The following ETV1 variants were observed in gnomAD, a reference collection of about 807,000 sequenced individuals.
The protein encoded by ETV1 is ETS variant transcription factor 1.
Under a neutral mutation model 62.3 loss-of-function variants are expected in ETV1, and 27 were observed. The ratio of observed to expected loss-of-function variants is 0.43; its 90% CI spans 0.32 to 0.60. The LOEUF is 0.60. Ranked by LOEUF, ETV1 falls within the 20% of genes least tolerant of loss-of-function variation. The pLI is 0.06. For synonymous variants in ETV1, 222 were observed against 199.6 expected (o/e 1.11, Z -0.94); for missense variants, 605 against 605.8 (o/e 1.00, Z 0.01).
At chr7:13,905,084 A>C (rs1353985959) in intron 12 of ETV1, among the ~76,000 whole-genome samples, 2 of 151,354 alleles carry the variant, frequency 1.3e-5, no homozygotes, top group Admixed American at 6.6e-5. Context: ...ACTGAAGGAG[A>C]CTTGACTGTT....
chr7:13,976,052 AG>A (rs1781421412), intron 6 of ETV1, among the ~76,000 whole-genome samples: 1 of 152,206 alleles, frequency 6.6e-6, no homozygotes, highest in Non-Finnish European at 1.5e-5. Context: ...TCCTTCTGGG[AG>A]TGTTTCTAAG....
At chr7:13,964,048 A>AG in intron 6 of ETV1, among the ~76,000 whole-genome samples, 1 of 152,228 alleles carries the variant, frequency 6.6e-6, no homozygotes, top group South Asian at 2.1e-4. Context: ...AATGACATCC[A>AG]GCTATTTGGC....
At chr7:13,963,717 A>G (rs1583819474) in intron 6 of ETV1, among the ~76,000 whole-genome samples, 1 of 152,156 alleles carries the variant, frequency 6.6e-6, no homozygotes, top group Non-Finnish European at 1.5e-5. Flanking sequence ...ACATAAATTC[A>G]TATGTCCATC....
intron 9 of ETV1, among the ~76,000 whole-genome samples, chr7:13,929,734 C>T (rs1220641651): frequency 6.6e-6 from 1 of 152,206 alleles, no homozygotes; most frequent in Admixed American, 6.5e-5. Context: ...CTCAAGGCCA[C>T]TTGGGCAGAG....
chr7:13,905,288 A>C (rs73274807), intron 12 of ETV1, among the ~76,000 whole-genome samples: 189 of 152,274 alleles, frequency 1.2e-3, no homozygotes, highest in African/African-American at 4.2e-3. Context: ...GTGGATGTTC[A>C]GTGTATATGA....
intron 9 of ETV1, among the ~76,000 whole-genome samples, chr7:13,917,824 C>T (rs1446074868): frequency 1.3e-5 from 2 of 151,694 alleles, no homozygotes; most frequent in East Asian, 2.0e-4. Context: ...ATTAGCCGGG[C>T]GTGGTGGCGG....
At chr7:13,928,398 C>G (rs968644119) in intron 9 of ETV1, among the ~76,000 whole-genome samples, 1 of 151,872 alleles carries the variant, frequency 6.6e-6, no homozygotes, top group Non-Finnish European at 1.5e-5. Flanking sequence ...AGGCAGATCA[C>G]GAGGTCAAGA....
chr7:13,970,152 C>T (rs1346009934), intron 6 of ETV1, among the ~76,000 whole-genome samples: 3 of 151,370 alleles, frequency 2.0e-5, no homozygotes, highest in Non-Finnish European at 4.4e-5. Flanking sequence ...TCCCAGCTAG[C>T]CGGGAGGCCG....
chr7:13,916,253 T>G (rs905630228), intron 9 of ETV1, among the ~76,000 whole-genome samples: 1 of 152,222 alleles, frequency 6.6e-6, no homozygotes, highest in Non-Finnish European at 1.5e-5. Flanking sequence ...GTACTGAATC[T>G]ACTATTGATT....
At chr7:13,925,567 A>ATT (rs143947960) in intron 9 of ETV1, among the ~76,000 whole-genome samples, 8 of 143,158 alleles carry the variant, frequency 5.6e-5, no homozygotes, top group East Asian at 2.1e-4. Flanking sequence ...ACATTAATTG[A>ATT]TTTTTTTTTT....
At chr7:13,908,757 C>T (rs143782059) in intron 11 of ETV1, among the ~76,000 whole-genome samples, 135 of 152,192 alleles carry the variant, frequency 8.9e-4, no homozygotes, top group African/African-American at 3.1e-3. Context: ...TGAGCATGTA[C>T]ATTGCTGTTT....
At chr7:13,943,672 G>T (rs2128464487) in intron 6 of ETV1, among the ~76,000 whole-genome samples, 1 of 152,202 alleles carries the variant, frequency 6.6e-6, no homozygotes, top group South Asian at 2.1e-4. Flanking sequence ...ACAATGGAAT[G>T]AATACAGGAA....
intron 11 of ETV1, 149 bp from the exon 12 acceptor site, chr7:13,906,748 T>C: frequency 1.7e-6 from 1 of 572,382 alleles, no homozygotes. Context: ...TAAAGAGGAA[T>C]TTAAAATAGT....
In ETV1 at chr7:13,892,485, G is replaced by C. The variant is rs1781448097; in HGVS notation, c.*3381C>G. 4.3e-6 allele frequency: 1 copy of C among 232,960 alleles called. No individual in the cohort carries two copies. Among genetic ancestry groups the C allele is most frequent in the Non-Finnish European group, 8.5e-6 (1 of 117,908 alleles). 14.4% of individuals were successfully genotyped at this position (232,960 alleles called of 1,614,324 possible). A position where few individuals can be genotyped will look rare whatever the true frequency, so the allele number is the denominator to read the frequency against. ...CCCTCAGCAGAACTCCACTGTTCCT[G>C]AGTAAATCAATTAGAGTCTTTGCTA... On this transcript the variant is annotated 3_prime_UTR_variant, in exon 14 of 14. Transcript: ENST00000430479.
intron 9 of ETV1, among the ~76,000 whole-genome samples, chr7:13,923,503 A>G (rs968858108): frequency 6.6e-6 from 1 of 152,250 alleles, no homozygotes; most frequent in Non-Finnish European, 1.5e-5. Context: ...CAGCTCTGAC[A>G]GATGAAAGTT....
chr7:13,958,172 T>A (rs574825326), intron 6 of ETV1, among the ~76,000 whole-genome samples: 1 of 152,350 alleles, frequency 6.6e-6, no homozygotes, highest in South Asian at 2.1e-4. Flanking sequence ...GAAGTGTGCC[T>A]ATATACTAAA....
chr7:13,983,669 G>A (rs1315023715), intron 5 of ETV1, among the ~76,000 whole-genome samples: 3 of 144,232 alleles, frequency 2.1e-5, no homozygotes, highest in Non-Finnish European at 4.5e-5. Flanking sequence ...TAACTTTGCA[G>A]TTTTCTTCAG....
At chr7:13,928,103 G>A (rs551625943) in intron 9 of ETV1, among the ~76,000 whole-genome samples, 2 of 152,244 alleles carry the variant, frequency 1.3e-5, no homozygotes, top group African/African-American at 2.4e-5. Context: ...GCTTTTGAGG[G>A]TCAAATAGTG....
At chr7:13,955,763 A>G (rs1355426442) in intron 6 of ETV1, among the ~76,000 whole-genome samples, 2 of 152,200 alleles carry the variant, frequency 1.3e-5, no homozygotes, top group African/African-American at 4.8e-5. Flanking sequence ...CAAGAAAACT[A>G]TTATTGGAAT....
Sources: gnomAD v4.1 joint callset for allele counts (sites outside exome capture counted in the v4.1 genomes callset) on GRCh38, gnomAD v4.1.1 for gene constraint, MANE v1.5 for transcripts, NCBI Gene and HGNC (gene_info 2026-07-23, HGNC 2026-07-21) for gene names.